The following GABRA1 variants were observed in gnomAD, a reference collection of about 807,000 sequenced individuals.
GABRA1 encodes gamma-aminobutyric acid type A receptor subunit alpha1.
GABRA1 carries 9 observed loss-of-function variants against 48.9 expected under a neutral mutation model. The observed-to-expected ratio is 0.18, with a 90% CI of 0.11 to 0.32. GABRA1 has a LOEUF of 0.32. Ranked by LOEUF, GABRA1 falls within the 10% of genes least tolerant of loss-of-function variation. The pLI, the probability that GABRA1 is intolerant of heterozygous loss-of-function variation, is 1.00. For synonymous variants in GABRA1, 210 were observed against 198.7 expected, an observed-to-expected ratio of 1.06 and a Z score of -0.48; for missense variants, 285 against 553.8, an observed-to-expected ratio of 0.51 and a Z score of 4.87.
At chr5:161,868,029 T>C (rs562923736) in intron 4 of GABRA1, among the ~76,000 whole-genome samples, 2 of 151,132 alleles carry the variant, frequency 1.3e-5, no homozygotes, top group African/African-American at 4.9e-5. Flanking sequence ...TGGTGATAGG[T>C]TTAGGAGCCT....
chr5:161,883,922 A>G (rs1283529091), intron 7 of GABRA1, among the ~76,000 whole-genome samples: 1 of 150,758 alleles, frequency 6.6e-6, no homozygotes, highest in African/African-American at 2.4e-5. Context: ...TTTTTTTCTT[A>G]TTTCAAATCC....
chr5:161,862,419 T>A (rs947365461), intron 3 of GABRA1, among the ~76,000 whole-genome samples: 2 of 151,914 alleles, frequency 1.3e-5, no homozygotes, highest in African/African-American at 2.4e-5. Context: ...TTTCCTCTCC[T>A]TAATGTATTT....
At chr5:161,885,524 C>T (rs1437643744) in intron 7 of GABRA1, among the ~76,000 whole-genome samples, 1 of 152,102 alleles carries the variant, frequency 6.6e-6, no homozygotes, top group African/African-American at 2.4e-5. Context: ...TACCTGCCAC[C>T]AACACATGGG....
intron 2 of GABRA1, among the ~76,000 whole-genome samples, chr5:161,852,419 G>A (rs550356792): frequency 6.8e-4 from 104 of 152,000 alleles, no homozygotes; most frequent in African/African-American, 2.4e-3. Flanking sequence ...TTCTTCCTCA[G>A]AGTTCCCGAT....
intron 5 of GABRA1, among the ~76,000 whole-genome samples, 159 bp downstream of exon 5, chr5:161,873,496 A>G (rs1754214309): frequency 6.6e-6 from 1 of 152,190 alleles, no homozygotes; most frequent in African/African-American, 2.4e-5. Flanking sequence ...TAATTCCCTC[A>G]GTCAAGGATG....
chr5:161,889,700 G>A (rs543750233), intron 7 of GABRA1, among the ~76,000 whole-genome samples: 6 of 152,152 alleles, frequency 3.9e-5, no homozygotes, highest in South Asian at 2.1e-4. Flanking sequence ...ACTTTGTAGA[G>A]CTTGAGTCAC....
intron 1 of GABRA1, chr5:161,850,503 A>G (rs941465609): frequency 4.4e-5 from 23 of 521,116 alleles, no homozygotes; most frequent in Non-Finnish European, 6.4e-5. Flanking sequence ...TATAAAACCT[A>G]GAGATAAACA....
intron 8 of GABRA1, among the ~76,000 whole-genome samples, chr5:161,893,093 T>C (rs1157482059): frequency 3.3e-5 from 5 of 151,088 alleles, no homozygotes; most frequent in Non-Finnish European, 7.4e-5. Flanking sequence ...ATTTTTGTAG[T>C]ATGAGTACAA....
Position 161,895,837 on chromosome 5 carries a change from C to T in GABRA1, c.1028C>T (p.Ala343Val). The change falls in exon 9 of 10, where the codon GCA (alanine) becomes GTA (valine). Residue 343 changes from alanine (A) to valine (V), a missense_variant. This residue lies in a region of GABRA1 where 14 missense variants were observed against 113.8 expected (regional missense o/e 0.12). Coordinates refer to ENST00000393943, the MANE Select transcript of GABRA1 (RefSeq NM_001127644.2). ...AACTATTTCACTAAGAGAGGTTATG[C>T]ATGGGATGGCAAAAGTGTGGTTCCA... ...TVNYFTKRGY[A>V]WDGKSVVPEK... 6.2e-7 allele frequency: 1 copy of T among 1,613,836 alleles called. No individual in the cohort carries two copies. The highest frequency in any genetic ancestry group is 8.5e-7 in the Non-Finnish European group (1 of 1,179,842).
intron 1 of GABRA1, chr5:161,849,062 G>A (rs1328389083): frequency 9.1e-6 from 4 of 440,736 alleles, no homozygotes; most frequent in African/African-American, 6.2e-5. Flanking sequence ...GTGTCTGGGG[G>A]AGGGGGAGGT....
At chr5:161,890,849 T>C in intron 7 of GABRA1, 49 bp from the exon 8 acceptor site, 2 of 1,576,632 alleles carry the variant, frequency 1.3e-6, no homozygotes, top group Non-Finnish European at 1.7e-6. Context: ...AGAGATTACC[T>C]TTTTCTAAAG....
At chr5:161,873,732 A>G (rs1374029339) in intron 5 of GABRA1, among the ~76,000 whole-genome samples, 1 of 152,176 alleles carries the variant, frequency 6.6e-6, no homozygotes, top group Non-Finnish European at 1.5e-5. Flanking sequence ...ATGGAAAGTT[A>G]CAAAATTCAT....
intron 4 of GABRA1, 107 bp downstream of exon 4, chr5:161,865,895 T>A: frequency 1.2e-6 from 1 of 859,322 alleles, no homozygotes; most frequent in Non-Finnish European, 2.0e-6. Flanking sequence ...AAGTCTTGGC[T>A]ATACTTTTGT....
intron 4 of GABRA1, among the ~76,000 whole-genome samples, chr5:161,872,436 TACTC>T (rs1256372506): frequency 2.0e-5 from 3 of 152,178 alleles, no homozygotes; most frequent in African/African-American, 7.2e-5. Context: ...CACAAACACA[TACTC>T]ACACACACCG....
rs113886269 is a variant in GABRA1, at chr5:161,850,837, C to T, written c.27C>T (p.Asp9=). 8.1e-6 allele frequency: 13 copies of T among 1,614,098 alleles called. No individual in the cohort carries two copies. The highest frequency in any genetic ancestry group is 8.5e-7 in the Non-Finnish European group (1 of 1,179,962). The change falls in exon 2 of 10, where the codon GAC becomes GAT. Residue 9 remains aspartate, a synonymous_variant. Coordinates refer to ENST00000393943, the MANE Select transcript of GABRA1 (RefSeq NM_001127644.2). MRKSPGLS[D]CLWAWILLLS... ...TGAGGAAAAGTCCAGGTCTGTCTGA[C>T]TGTCTTTGGGCCTGGATCCTCCTTC...
At chr5:161,858,388 G>A (rs1445951465) in intron 3 of GABRA1, among the ~76,000 whole-genome samples, 2 of 151,620 alleles carry the variant, frequency 1.3e-5, no homozygotes, top group Non-Finnish European at 3.0e-5. Context: ...CATAAACAGA[G>A]ATTTGAAGCT....
At chr5:161,856,163 G>A (rs1435438619) in intron 3 of GABRA1, among the ~76,000 whole-genome samples, 3 of 151,180 alleles carry the variant, frequency 2.0e-5, no homozygotes, top group African/African-American at 7.3e-5. Context: ...AGACCCTGGA[G>A]AGCCATAGAA....
intron 6 of GABRA1, chr5:161,882,245 G>C: frequency 5.2e-6 from 2 of 385,082 alleles, no homozygotes; most frequent in Non-Finnish European, 9.8e-6. Flanking sequence ...ATATGTTTTT[G>C]TCCCCACTGC....
chr5:161,888,281 T>G (rs1754937673), intron 7 of GABRA1, among the ~76,000 whole-genome samples: 1 of 152,120 alleles, frequency 6.6e-6, no homozygotes, highest in Non-Finnish European at 1.5e-5. Flanking sequence ...TTCTTTCATT[T>G]TAAAGCTATT....
Sources: allele counts gnomAD v4.1 joint callset (sites outside exome capture counted in the v4.1 genomes callset), GRCh38; gene constraint gnomAD v4.1.1; regional missense constraint gnomAD v4.1.1; transcripts MANE v1.5; gene names NCBI Gene and HGNC (gene_info 2026-07-23, HGNC 2026-07-21).